FAM219A: variants seen among roughly 807,000 people sequenced by gnomAD.
FAM219A encodes family with sequence similarity 219 member A, also known as protein FAM219A.
A neutral mutation model predicts 23.4 loss-of-function variants in FAM219A; 7 were observed. That is an observed-to-expected ratio of 0.30 (90% CI 0.17 to 0.56). FAM219A has a LOEUF of 0.56. FAM219A is among the 20% of genes least tolerant of loss of function. FAM219A has a pLI of 0.92. For missense variants in FAM219A, 166 were observed against 246.9 expected (o/e 0.67, Z 2.20); for synonymous variants, 93 against 99.0 (o/e 0.94, Z 0.36).
intron 1 of FAM219A, among the ~76,000 whole-genome samples, chr9:34,440,850 CAAA>C (rs556766532): frequency 2.7e-3 from 234 of 88,260 alleles, no homozygotes; most frequent in East Asian, 0.023. Flanking sequence ...GACTCGGTCT[CAAA>C]AAAAAAAAAA....
rs1481638072 is a variant in FAM219A, at chr9:34,457,043, G to A, written c.60+1161C>T. ...GGGTAGACCTGTTTCTGGCCACCCT[G>A]CCTAACACAGAAGCAGAACTTCAGA... On this transcript the variant is annotated intron_variant, in intron 1 of 5. Transcript: ENST00000651358. The surrounding 1 kb of genome is among the most constrained non-coding windows in gnomAD (Gnocchi z 5.1). 6.6e-6 allele frequency among the ~76,000 whole-genome samples: 1 copy of A among 152,172 alleles called. No homozygotes were observed. Among genetic ancestry groups the A allele is most frequent in the Non-Finnish European group, 1.5e-5 (1 of 68,028 alleles).
chr9:34,416,715 G>T (rs1037410467), intron 1 of FAM219A, among the ~76,000 whole-genome samples: 1 of 148,316 alleles, frequency 6.7e-6, no homozygotes, highest in African/African-American at 2.5e-5. Flanking sequence ...TTCAGCCTGG[G>T]CAACAAAGTG....
chr9:34,438,871 A>G (rs1020876493), intron 1 of FAM219A, among the ~76,000 whole-genome samples: 2 of 152,252 alleles, frequency 1.3e-5, no homozygotes, highest in Non-Finnish European at 2.9e-5. Flanking sequence ...GTCCCCATCC[A>G]CACTGTGGAA....
In FAM219A at chr9:34,453,006, G is replaced by A. The variant is rs148517014; in HGVS notation, c.60+5198C>T. Among the ~76,000 whole-genome samples the A allele has an allele frequency of 2.7e-4, 41 of 152,286 alleles. No homozygotes were observed. In the East Asian group the frequency reaches 6.6e-3, roughly 24 times the overall value. On this transcript the variant is annotated intron_variant, in intron 1 of 5. Coordinates refer to ENST00000651358, the MANE Select transcript of FAM219A (RefSeq NM_001184940.2). ...AGCAGAGAATAGGTTCTTACTTGGT[G>A]TTTGTTTGATGAGGAGATGAGTAGT...
At chr9:34,441,123 G>A (rs1823157064) in intron 1 of FAM219A, among the ~76,000 whole-genome samples, 3 of 152,104 alleles carry the variant, frequency 2.0e-5, no homozygotes, top group South Asian at 2.1e-4. Flanking sequence ...AACCTCTCCC[G>A]GCTTGTAGCC....
chr9:34,453,820 G>A (rs971900493), intron 1 of FAM219A, among the ~76,000 whole-genome samples: 14 of 152,176 alleles, frequency 9.2e-5, no homozygotes, highest in East Asian at 1.9e-4. Context: ...AATTGCAGCC[G>A]AAGAGAAGAC....
rs140623245 is a variant in FAM219A at position 34,410,033 on chromosome 9, G to A, written c.61-4069C>T. 6.4e-3 allele frequency among the ~76,000 whole-genome samples: 982 copies of A among 152,300 alleles called. 5 individuals carry two copies. The highest frequency in any genetic ancestry group is 0.011 in the Non-Finnish European group (754 of 68,038). On this transcript the variant is annotated intron_variant, in intron 1 of 5. Coordinates refer to ENST00000651358, the MANE Select transcript of FAM219A (RefSeq NM_001184940.2). ...TTTTAAAAATGAGGAAACCTGGGCC[G>A]AGAGGGGAAGTGTCTTACCCAAAGT... is the stretch of plus-strand genomic sequence containing the variant.
intron 1 of FAM219A, among the ~76,000 whole-genome samples, chr9:34,411,486 G>A (rs573084513): frequency 1.8e-4 from 27 of 151,726 alleles, no homozygotes; most frequent in Non-Finnish European, 3.2e-4. Flanking sequence ...TCAGGAGATC[G>A]AGACCACAGT....
rs905346829 is a variant in FAM219A, at chr9:34,401,610, G to T, written c.399+56C>A. 2.5e-6 allele frequency: 4 copies of T among 1,572,772 alleles called. No individual in the cohort carries two copies. The African/African-American group carries it at 4.0e-5, about 16-fold the overall frequency. On this transcript the variant is annotated intron_variant, in intron 5 of 5. Coordinates refer to ENST00000651358, the MANE Select transcript of FAM219A (RefSeq NM_001184940.2). ...TGGGCATTGGCCCCAGCCCTCCCCC[G>T]GGATGGCAGTGATCCTGCCCGGTGG...
intron 2 of FAM219A, among the ~76,000 whole-genome samples, chr9:34,404,007 G>A (rs1030273210): frequency 2.0e-5 from 3 of 152,144 alleles, no homozygotes; most frequent in Non-Finnish European, 2.9e-5. Flanking sequence ...TAAAGTTCCT[G>A]GTGGTACTAG....
At chr9:34,448,652 A>C (rs1165666814) in intron 1 of FAM219A, among the ~76,000 whole-genome samples, 1 of 152,218 alleles carries the variant, frequency 6.6e-6, no homozygotes, top group Non-Finnish European at 1.5e-5. Context: ...TTTCACCTTA[A>C]ATCTCAATTG....
rs1821343238 is a variant in FAM219A, at chr9:34,399,437, C to A, written c.*1527G>T. On this transcript the variant is annotated 3_prime_UTR_variant, in exon 6 of 6. Transcript: ENST00000651358. The stretch of plus-strand genomic sequence containing the variant: ...GTATACACATCTTGATCTACAGACA[C>A]CCTATACAGCCACACACAATAGACA... The A allele has an allele frequency of 6.6e-6, 1 of 152,286 alleles. No homozygotes were observed. Among genetic ancestry groups the A allele is most frequent in the African/African-American group, 2.4e-5 (1 of 41,406 alleles). The allele number at this position is 152,286 out of a possible 1,614,324, so 9.4% of individuals were successfully genotyped here. A position where few individuals can be genotyped will look rare whatever the true frequency, so the allele number is the denominator to read the frequency against.
At chr9:34,415,714 T>C (rs772898508) in intron 1 of FAM219A, among the ~76,000 whole-genome samples, 1 of 152,246 alleles carries the variant, frequency 6.6e-6, no homozygotes, top group African/African-American at 2.4e-5. Flanking sequence ...TTCCACCCAA[T>C]TGGATAAATG....
rs570827607 is a variant in FAM219A, at chr9:34,428,904, C to G, written c.61-22940G>C. On this transcript the variant is annotated intron_variant, in intron 1 of 5. Coordinates refer to ENST00000651358, the MANE Select transcript of FAM219A (RefSeq NM_001184940.2). ...AGCTGGAATGTGCTGTTTCCTGGAG[C>G]AAGAGAGAGGCCAAGCTGAGGGACA... Among the ~76,000 whole-genome samples the G allele has an allele frequency of 2.0e-5, 3 of 152,354 alleles. No homozygotes were observed. In the South Asian group the frequency reaches 6.2e-4, roughly 32 times the overall value.
chr9:34,433,087 C>G (rs566559402), intron 1 of FAM219A, among the ~76,000 whole-genome samples: 2 of 152,292 alleles, frequency 1.3e-5, no homozygotes, highest in East Asian at 1.9e-4. Context: ...AAATTGGAAT[C>G]CTTCTGAAAG....
intron 1 of FAM219A, among the ~76,000 whole-genome samples, chr9:34,442,686 AAAAAAAAAAAC>A (rs957678450): frequency 1.3e-4 from 6 of 45,174 alleles, no homozygotes; most frequent in African/African-American, 1.1e-3. Flanking sequence ...CTCCGTCTCA[AAAAAAAAAAAC>A]AAAAAAAAAG....
intron 1 of FAM219A, among the ~76,000 whole-genome samples, chr9:34,438,538 T>C (rs535873517): frequency 6.6e-5 from 10 of 152,196 alleles, no homozygotes; most frequent in Non-Finnish European, 1.3e-4. Context: ...TCTACTCTGG[T>C]GGGGCCTTGG....
intron 1 of FAM219A, among the ~76,000 whole-genome samples, chr9:34,421,452 C>T (rs576127466): frequency 4.1e-4 from 63 of 152,086 alleles, no homozygotes; most frequent in Non-Finnish European, 7.9e-4. Flanking sequence ...AACGTCTCTG[C>T]AGGCTCAGGG....
At position 34,410,258 on chromosome 9, in the gene FAM219A, T is replaced by G. The variant is rs1311168871; in HGVS notation, c.61-4294A>C. Among the ~76,000 whole-genome samples the G allele has an allele frequency of 2.0e-5, 3 of 152,206 alleles. No homozygotes were observed. The South Asian group carries it at 6.2e-4, about 32-fold the overall frequency. On this transcript the variant is annotated intron_variant, in intron 1 of 5. Transcript: ENST00000651358. ...AACTCATGAACTGTCTTTAGCTGGC[T>G]GGCCTCACTTGTTGGAGCTGTGGGT...
Sources: gnomAD v4.1 joint callset for allele counts (sites outside exome capture counted in the v4.1 genomes callset) on GRCh38, gnomAD v4.1.1 for gene constraint, Gnocchi (gnomAD v3.1) non-coding constraint, MANE v1.5 for transcripts, NCBI Gene and HGNC (gene_info 2026-07-23, HGNC 2026-07-21) for gene names.